Variants in DIP2C observed in about 807,000 individuals in gnomAD.
The protein encoded by DIP2C is DIP2 acetate--CoA ligase C (putative), also known as disco-interacting protein 2 homolog C.
In DIP2C, 33 loss-of-function variants were observed where a neutral mutation model predicts 192.4. The ratio of observed to expected loss-of-function variants is 0.17; its 90% CI spans 0.13 to 0.23. The LOEUF is 0.23. Among genes scored for constraint, DIP2C ranks in the 10% least tolerant of loss-of-function variants. The pLI, the probability that DIP2C is intolerant of heterozygous loss-of-function variation, is 1.00. For synonymous variants in DIP2C, 979 were observed against 864.1 expected (o/e 1.13, Z -2.33); for missense variants, 1,537 against 2,110.1 (o/e 0.73, Z 5.32).
rs1365624724 is a variant in DIP2C at position 651,115 on chromosome 10, C to A, written c.85+38379G>T. On this transcript the variant is annotated intron_variant, in intron 1 of 36. Transcript: ENST00000280886. The surrounding 1 kb of genome is among the most constrained non-coding windows in gnomAD (Gnocchi z 4.1). Reference sequence around the variant, plus strand: ...CCCAAACTCTCTCCTGGCCAGCTCTCGCCACACTCAGTCAATGTCCACTGG... The same window carrying A: ...CCCAAACTCTCTCCTGGCCAGCTCTAGCCACACTCAGTCAATGTCCACTGG... The A allele has an allele frequency of 4.2e-6, 3 of 717,418 alleles. No individual in the cohort carries two copies. Among genetic ancestry groups the A allele is most frequent in the Non-Finnish European group, 7.8e-6 (3 of 385,114 alleles). 44.4% of individuals were successfully genotyped at this position (717,418 alleles called of 1,614,324 possible).
intron 29 of DIP2C, among the ~76,000 whole-genome samples, chr10:339,824 T>C (rs1189861215): frequency 1.3e-5 from 2 of 152,218 alleles, no homozygotes; most frequent in African/African-American, 2.4e-5. Context: ...TTTTCAAAAA[T>C]ACAGAATTAC....
intron 3 of DIP2C, among the ~76,000 whole-genome samples, chr10:444,542 A>G (rs932656406): frequency 4.6e-5 from 7 of 151,336 alleles, no homozygotes; most frequent in African/African-American, 1.7e-4. Context: ...GTCACCCGAG[A>G]CTTGTGTAGA....
rs1337256991 is a variant in DIP2C, at chr10:348,773, A to G, written c.3110-11T>C. ...CTATCAGGTCTATTCCTACACAAGG[A>G]GAGAAACATCATCATTGAAGCAGAC... is the stretch of plus-strand genomic sequence containing the variant. On this transcript the variant is annotated splice_polypyrimidine_tract_variant and intron_variant, in intron 25 of 36. Coordinates refer to ENST00000280886, the MANE Select transcript of DIP2C (RefSeq NM_014974.3). 7 of 1,612,872 alleles carry G rather than the reference A, an allele frequency of 4.3e-6. No individual in the cohort carries two copies. Among genetic ancestry groups the G allele is most frequent in the Non-Finnish European group, 5.9e-6 (7 of 1,179,666 alleles).
chr10:578,845 G>A (rs554425006), intron 1 of DIP2C, among the ~76,000 whole-genome samples: 1 of 152,214 alleles, frequency 6.6e-6, no homozygotes, highest in South Asian at 2.1e-4. Flanking sequence ...GATCCATATA[G>A]TGTACGTACA....
chr10:483,667 A>G (rs1023020708), intron 2 of DIP2C, among the ~76,000 whole-genome samples: 8 of 152,258 alleles, frequency 5.3e-5, no homozygotes, highest in Middle Eastern at 3.4e-3. Context: ...CTTGCTCCTG[A>G]GAGGGTGCGA....
In DIP2C at chr10:304,319, G is replaced by A. The variant is rs143770770; in HGVS notation, c.3986+5712C>T. 1.8e-3 allele frequency among the ~76,000 whole-genome samples: 279 copies of A among 152,092 alleles called. 2 individuals carry two copies. The highest frequency in any genetic ancestry group is 6.8e-3 in the Middle Eastern group (2 of 294). On this transcript the variant is annotated intron_variant, in intron 32 of 36. Coordinates refer to ENST00000280886, the MANE Select transcript of DIP2C (RefSeq NM_014974.3). The stretch of plus-strand genomic sequence containing the variant: ...TTTTTCAGCTTCATTACAGTCTTAC[G>A]GAACCACTCTCATTTAGGGGACACT...
At chr10:462,948 C>A (rs959095948) in intron 3 of DIP2C, among the ~76,000 whole-genome samples, 1 of 152,110 alleles carries the variant, frequency 6.6e-6, no homozygotes, top group Non-Finnish European at 1.5e-5. Context: ...CAGAAAAGGC[C>A]TTTGATAAAA....
intron 1 of DIP2C, among the ~76,000 whole-genome samples, chr10:488,797 T>C (rs1844211248): frequency 6.6e-6 from 1 of 152,234 alleles, no homozygotes. Flanking sequence ...GTAACACACA[T>C]GCACAGTTAT....
At chr10:440,801 T>A (rs1967662782) in intron 4 of DIP2C, 70 bp downstream of exon 4, 2 of 1,521,468 alleles carry the variant, frequency 1.3e-6, no homozygotes, top group African/African-American at 2.8e-5. Flanking sequence ...AAACCCCTGA[T>A]TGCTGGGCTA....
chr10:449,462 G>A (rs975097634), intron 3 of DIP2C, among the ~76,000 whole-genome samples: 1 of 152,036 alleles, frequency 6.6e-6, no homozygotes, highest in Non-Finnish European at 1.5e-5. Flanking sequence ...CAAAGTCACG[G>A]TACTTTCCTA....
At chr10:495,875 G>A (rs555416718) in intron 1 of DIP2C, among the ~76,000 whole-genome samples, 19 of 149,630 alleles carry the variant, frequency 1.3e-4, no homozygotes, top group Non-Finnish European at 2.2e-4. Context: ...GTGCCCTCCC[G>A]TGTCCTTAAA....
chr10:496,792 G>A (rs1413533820), intron 1 of DIP2C, among the ~76,000 whole-genome samples: 1 of 152,136 alleles, frequency 6.6e-6, no homozygotes, highest in Non-Finnish European at 1.5e-5. Flanking sequence ...CAATGTGAGT[G>A]CTGAGTGCAC....
At chr10:339,910 G>GA (rs1055737198) in intron 29 of DIP2C, among the ~76,000 whole-genome samples, 1 of 152,196 alleles carries the variant, frequency 6.6e-6, no homozygotes, top group Non-Finnish European at 1.5e-5. Context: ...GTTGACAGGA[G>GA]AAAAAAATCT....
intron 3 of DIP2C, among the ~76,000 whole-genome samples, chr10:441,472 T>C (rs1015190234): frequency 8.5e-5 from 13 of 152,144 alleles, no homozygotes; most frequent in Admixed American, 2.6e-4. Flanking sequence ...TCAACTTGAA[T>C]TATATCTCCC....
Position 434,906 on chromosome 10 carries a change from C to A in DIP2C, c.394+5965G>T, listed in dbSNP as rs563483528. Among the ~76,000 whole-genome samples, 3 of 152,218 alleles carry A rather than the reference C, an allele frequency of 2.0e-5. No individual in the cohort carries two copies. In the South Asian group the frequency reaches 6.2e-4, roughly 32 times the overall value. ...TTCTTTGTTGGGGTTTTTAAAAAAT[C>A]TTTGATTCGCCGTAGTTTGAAAATT... On this transcript the variant is annotated intron_variant, in intron 4 of 36. Coordinates refer to ENST00000280886, the MANE Select transcript of DIP2C (RefSeq NM_014974.3).
At chr10:377,682 C>G (rs1462485248) in intron 17 of DIP2C, among the ~76,000 whole-genome samples, 5 of 152,206 alleles carry the variant, frequency 3.3e-5, no homozygotes, top group Non-Finnish European at 7.3e-5. Context: ...TCTCCGCTGT[C>G]ACTCATCCAG....
At chr10:649,223 G>A (rs1259397106) in intron 1 of DIP2C, among the ~76,000 whole-genome samples, 1 of 149,856 alleles carries the variant, frequency 6.7e-6, no homozygotes, top group Non-Finnish European at 1.5e-5. Flanking sequence ...GGGAAACTGA[G>A]TCCACGTCCA....
chr10:515,326 A>G (rs1846280054), intron 1 of DIP2C, among the ~76,000 whole-genome samples: 1 of 152,234 alleles, frequency 6.6e-6, no homozygotes, highest in African/African-American at 2.4e-5. Context: ...TAACATATGC[A>G]TAGTTATTTA....
intron 3 of DIP2C, among the ~76,000 whole-genome samples, chr10:469,758 T>G (rs181556489): frequency 0.01 from 1,548 of 152,334 alleles, 8 homozygotes; most frequent in Non-Finnish European, 0.017. Context: ...ACCTAAAATA[T>G]TCTAGTGGAT....
Sources: allele counts gnomAD v4.1 joint callset (sites outside exome capture counted in the v4.1 genomes callset), GRCh38; gene constraint gnomAD v4.1.1; non-coding constraint Gnocchi (gnomAD v3.1); transcripts MANE v1.5; gene names NCBI Gene and HGNC (gene_info 2026-07-23, HGNC 2026-07-21).